Variants in TFCP2L1 observed in about 807,000 individuals in gnomAD.
TFCP2L1 encodes the protein transcription factor CP2-like protein 1.
Under a neutral mutation model 72.2 loss-of-function variants are expected in TFCP2L1, and 12 were observed. The observed-to-expected ratio is 0.17, with a 90% confidence interval of 0.11 to 0.27. The LOEUF is 0.27. TFCP2L1 is among the 10% of genes least tolerant of loss of function. TFCP2L1 has a pLI of 1.00. For synonymous variants in TFCP2L1, 260 were observed against 251.0 expected (o/e 1.04, Z -0.34); for missense variants, 488 against 624.6 (o/e 0.78, Z 2.33).
rs1685970263 is a variant in TFCP2L1, at chr2:121,223,747, G to T, written c.*594C>A. ...AAACAACGTAGAGAAGAAAGAGGTA[G>T]AAGGCACAGAATAGCCCCACTCCCA... is the stretch of plus-strand genomic sequence containing the variant. On this transcript the variant is annotated 3_prime_UTR_variant, in exon 15 of 15. Coordinates refer to ENST00000263707, the MANE Select transcript of TFCP2L1 (RefSeq NM_014553.3). 6.4e-6 allele frequency: 1 copy of T among 155,534 alleles called. No individual in the cohort carries two copies. The highest frequency in any genetic ancestry group is 2.4e-5 in the African/African-American group (1 of 41,486). The allele number at this position is 155,534 out of a possible 1,614,324, so 9.6% of individuals were successfully genotyped here. A position where few individuals can be genotyped will look rare whatever the true frequency, so the allele number is the denominator to read the frequency against.
At chr2:121,248,468 T>C (rs565166426) in intron 4 of TFCP2L1, among the ~76,000 whole-genome samples, 198 bp from the exon 5 acceptor site, 2 of 152,360 alleles carry the variant, frequency 1.3e-5, no homozygotes, top group Admixed American at 6.5e-5. Context: ...CCGTTTTGTA[T>C]GAACCGTCAT....
rs1283371998 is a variant in TFCP2L1 at position 121,220,068 on chromosome 2, A to C, written c.*4273T>G. ...CCTAGGGACTTTCTCCCTCTGCTCC[A>C]CTGACAACAGCCTAAGAGGCTTTTC... On this transcript the variant is annotated 3_prime_UTR_variant, in exon 15 of 15. Transcript: ENST00000263707. 7.5e-6 allele frequency: 1 copy of C among 132,508 alleles called. No individual in the cohort carries two copies. Among genetic ancestry groups the C allele is most frequent in the Non-Finnish European group, 1.5e-5 (1 of 65,676 alleles). 8.2% of individuals were successfully genotyped at this position (132,508 alleles called of 1,614,324 possible).
In TFCP2L1 at chr2:121,225,622, C is replaced by T. The variant is rs1343714842; in HGVS notation, c.1342-9G>A. 2 of 1,613,918 alleles carry T rather than the reference C, an allele frequency of 1.2e-6. No homozygotes were observed. Among genetic ancestry groups the T allele is most frequent in the Non-Finnish European group, 1.7e-6 (2 of 1,179,964 alleles). ...TGGAAGTTCTGCACCATCTGAGAGACAAAAGAGAGAACATGTTCCTTCAAC... is the reference window on the plus strand; with the variant it reads ...TGGAAGTTCTGCACCATCTGAGAGATAAAAGAGAGAACATGTTCCTTCAAC... On this transcript the variant is annotated splice_polypyrimidine_tract_variant and intron_variant, in intron 13 of 14. Coordinates refer to ENST00000263707, the MANE Select transcript of TFCP2L1 (RefSeq NM_014553.3).
intron 6 of TFCP2L1, among the ~76,000 whole-genome samples, chr2:121,246,213 T>A (rs1686477453): frequency 6.6e-6 from 1 of 152,244 alleles, no homozygotes; most frequent in Non-Finnish European, 1.5e-5. Context: ...CACAGGACAC[T>A]GAGCTCTATC....
chr2:121,271,731 T>C (rs752344667), intron 2 of TFCP2L1, among the ~76,000 whole-genome samples: 7 of 152,208 alleles, frequency 4.6e-5, no homozygotes, highest in Non-Finnish European at 7.3e-5. Context: ...GTTTCATAAA[T>C]GAGGAAACTC....
intron 1 of TFCP2L1, among the ~76,000 whole-genome samples, chr2:121,283,957 G>T (rs1005908601): frequency 6.6e-6 from 1 of 152,138 alleles, no homozygotes; most frequent in African/African-American, 2.4e-5. Context: ...GACTACTTTG[G>T]CCCATGAATA....
chr2:121,240,392 C>T (rs1686344482), intron 7 of TFCP2L1: 5 of 985,364 alleles, frequency 5.1e-6, no homozygotes, highest in Non-Finnish European at 6.0e-6. Flanking sequence ...CCCTTCCCTG[C>T]GATGATGCCT....
In TFCP2L1 at chr2:121,221,098, T is replaced by C. The variant is rs1685920668; in HGVS notation, c.*3243A>G. The C allele has an allele frequency of 6.6e-6, 1 of 152,244 alleles. No homozygotes were observed. The highest frequency in any genetic ancestry group is 6.5e-5 in the Admixed American group (1 of 15,282). The allele number at this position is 152,244 out of a possible 1,614,324, so 9.4% of individuals were successfully genotyped here. On this transcript the variant is annotated 3_prime_UTR_variant, in exon 15 of 15. Transcript: ENST00000263707. ...TTGGGTACAGTGATGACAGACAGCCTAAGGGGCTGGACCTCAGAAGACTAA... is the reference window on the plus strand; with the variant it reads ...TTGGGTACAGTGATGACAGACAGCCCAAGGGGCTGGACCTCAGAAGACTAA...
intron 6 of TFCP2L1, among the ~76,000 whole-genome samples, chr2:121,244,902 C>A (rs537811571): frequency 1.3e-5 from 2 of 152,130 alleles, no homozygotes; most frequent in Non-Finnish European, 2.9e-5. Flanking sequence ...TGTCCAGGAC[C>A]GGCAGATCCC....
At chr2:121,281,097 G>A in intron 2 of TFCP2L1, 23 bp downstream of exon 2, 2 of 1,613,796 alleles carry the variant, frequency 1.2e-6, no homozygotes. Flanking sequence ...GTTCCGCCCT[G>A]GCCCGGGGCC....
Position 121,221,468 on chromosome 2 carries a change from G to A in TFCP2L1, c.*2873C>T, listed in dbSNP as rs1573349801. On this transcript the variant is annotated 3_prime_UTR_variant, in exon 15 of 15. Coordinates refer to ENST00000263707, the MANE Select transcript of TFCP2L1 (RefSeq NM_014553.3). ...AGGAAAGAAGATCCAGTAAGAAGCAGAGGCCTTTAGCAAGGATGCCAAGAC... is the reference window on the plus strand; with the variant it reads ...AGGAAAGAAGATCCAGTAAGAAGCAAAGGCCTTTAGCAAGGATGCCAAGAC... 2.6e-5 allele frequency: 4 copies of A among 152,046 alleles called. No homozygotes were observed. The highest frequency in any genetic ancestry group is 2.6e-4 in the Admixed American group (4 of 15,288). The allele number at this position is 152,046 out of a possible 1,614,324, so 9.4% of individuals were successfully genotyped here.
intron 2 of TFCP2L1, among the ~76,000 whole-genome samples, chr2:121,271,877 T>C (rs1376859785): frequency 6.6e-6 from 1 of 152,182 alleles, no homozygotes; most frequent in Non-Finnish European, 1.5e-5. Flanking sequence ...GAGGTTGCTG[T>C]GAGTGGAAAA....
chr2:121,272,186 A>G (rs777982840), intron 2 of TFCP2L1, among the ~76,000 whole-genome samples: 4 of 152,196 alleles, frequency 2.6e-5, no homozygotes, highest in Non-Finnish European at 4.4e-5. Flanking sequence ...CTTACATGAT[A>G]TAAGAGGGAA....
intron 12 of TFCP2L1, among the ~76,000 whole-genome samples, chr2:121,233,092 C>T (rs1311279521): frequency 1.3e-5 from 2 of 152,130 alleles, no homozygotes; most frequent in Non-Finnish European, 2.9e-5. Flanking sequence ...CCAAGGCAGG[C>T]GGATTTCTGG....
chr2:121,242,328 G>A, intron 7 of TFCP2L1, 31 bp downstream of exon 7: 1 of 1,591,526 alleles, frequency 6.3e-7, no homozygotes, highest in Non-Finnish European at 8.6e-7. Context: ...AAGACCCTTG[G>A]AGGCTCTGTC....
intron 10 of TFCP2L1, among the ~76,000 whole-genome samples, chr2:121,235,574 C>CTT (rs34634906): frequency 5.8e-5 from 7 of 119,818 alleles, no homozygotes; most frequent in African/African-American, 2.0e-4. Context: ...TTCTTTCTTT[C>CTT]TTTTTTTTTT....
In TFCP2L1 at chr2:121,217,945, G is replaced by A. The variant is rs1685863466; in HGVS notation, c.*6396C>T. On this transcript the variant is annotated 3_prime_UTR_variant, in exon 15 of 15. Coordinates refer to ENST00000263707, the MANE Select transcript of TFCP2L1 (RefSeq NM_014553.3). ...GGCTCGCCAGCCACACAGGACACGA[G>A]ATGCGTGATAGGCAGGGTTAATGCA... 1.3e-5 allele frequency: 2 copies of A among 152,236 alleles called. No homozygotes were observed. The highest frequency in any genetic ancestry group is 4.8e-5 in the African/African-American group (2 of 41,458). 9.4% of individuals were successfully genotyped at this position (152,236 alleles called of 1,614,324 possible).
intron 2 of TFCP2L1, among the ~76,000 whole-genome samples, chr2:121,267,059 C>T (rs1013799607): frequency 2.0e-5 from 3 of 151,916 alleles, no homozygotes; most frequent in Admixed American, 1.3e-4. Context: ...GCTGGGACTA[C>T]AGTGCCTGCC....
At chr2:121,247,568 A>G (rs2104701834) in intron 5 of TFCP2L1, among the ~76,000 whole-genome samples, 1 of 152,220 alleles carries the variant, frequency 6.6e-6, no homozygotes, top group African/African-American at 2.4e-5. Flanking sequence ...AAAAAAGAGA[A>G]AGAAAAGATC....
Sources: gnomAD v4.1 joint callset for allele counts (sites outside exome capture counted in the v4.1 genomes callset) on GRCh38, gnomAD v4.1.1 for gene constraint, MANE v1.5 for transcripts, NCBI Gene and HGNC (gene_info 2026-07-23, HGNC 2026-07-21) for gene names.